SPTB: variants seen among roughly 807,000 people sequenced by gnomAD.
SPTB encodes the protein spectrin beta, erythrocytic, also known as spectrin beta chain, erythrocytic.
In SPTB, 45 loss-of-function variants were observed where a neutral mutation model predicts 256.2. That is an observed-to-expected ratio of 0.18 (90% CI 0.14 to 0.23). The LOEUF (loss-of-function observed/expected upper bound fraction) is 0.23, where lower values mean the gene tolerates loss of function less well. Ranked by LOEUF, SPTB falls within the 10% of genes least tolerant of loss-of-function variation. The probability of loss-of-function intolerance (pLI) is 1.00; values close to 1 mark genes in which losing one functional copy is unlikely to be tolerated. For synonymous variants in SPTB, 1,231 were observed against 1,243.1 expected (o/e 0.99, Z 0.21); for missense variants, 2,715 against 3,040.4 (o/e 0.89, Z 2.52).
intron 6 of SPTB, 83 bp from the exon 7 acceptor site, chr14:64,801,483 T>A: frequency 9.4e-7 from 1 of 1,058,514 alleles, no homozygotes; most frequent in Non-Finnish European, 1.5e-6. Flanking sequence ...GCAGACATTG[T>A]ACAGAGGCAG....
In SPTB at chr14:64,794,625, AG is replaced by A; in HGVS notation, c.1645-9del. 1.2e-6 allele frequency: 2 copies of A among 1,614,184 alleles called. No homozygotes were observed. The highest frequency in any genetic ancestry group is 2.2e-5 in the South Asian group (2 of 91,082). On this transcript the variant is annotated splice_polypyrimidine_tract_variant and intron_variant, in intron 12 of 35. Coordinates refer to ENST00000644917, the MANE Select transcript of SPTB (RefSeq NM_001355436.2). ...GGCAGACAAGAGGTGAGCCTGGCAA[AG>A]AGAACAGCAGAAAGGAAATGAGGAG...
At chr14:64,831,778 G>A (rs1319873417) in intron 1 of SPTB, among the ~76,000 whole-genome samples, 1 of 152,224 alleles carries the variant, frequency 6.6e-6, no homozygotes, top group Non-Finnish European at 1.5e-5. Context: ...AAAATGCAGT[G>A]AATGAACACG....
At position 64,802,171 on chromosome 14, in the gene SPTB, G is replaced by T; in HGVS notation, c.566+55C>A. On this transcript the variant is annotated intron_variant, in intron 5 of 35. Coordinates refer to ENST00000644917, the MANE Select transcript of SPTB (RefSeq NM_001355436.2). The surrounding 1 kb of genome is among the most constrained non-coding windows in gnomAD (Gnocchi z 5.1). ...TGTCCCTCTGGAGATGGCAGTGCTT[G>T]TGCGGAGCAAGGGGCTGGTGGTGGA... The T allele has an allele frequency of 6.5e-7, 1 of 1,531,712 alleles. No homozygotes were observed. The highest frequency in any genetic ancestry group is 9.0e-7 in the Non-Finnish European group (1 of 1,105,556). 94.9% of individuals were successfully genotyped at this position (1,531,712 alleles called of 1,614,324 possible). A position where few individuals can be genotyped will look rare whatever the true frequency, so the allele number is the denominator to read the frequency against.
At chr14:64,861,001 A>G (rs560507109) in intron 1 of SPTB, among the ~76,000 whole-genome samples, 1 of 152,364 alleles carries the variant, frequency 6.6e-6, no homozygotes, top group East Asian at 1.9e-4. Flanking sequence ...CATATACACC[A>G]TGGAATACTA....
At position 64,779,028 on chromosome 14, in the gene SPTB, C is replaced by T; in HGVS notation, c.4563+129G>A. On this transcript the variant is annotated intron_variant, in intron 22 of 35. Coordinates refer to ENST00000644917, the MANE Select transcript of SPTB (RefSeq NM_001355436.2). The surrounding 1 kb of genome is among the most constrained non-coding windows in gnomAD (Gnocchi z 4.2). ...GATTACCAATACGGTTTGGAGACCC[C>T]AAAGCTACCAACAAGAACAATAATC... The T allele has an allele frequency of 1.3e-6, 1 of 747,898 alleles. No individual in the cohort carries two copies. Among genetic ancestry groups the T allele is most frequent in the South Asian group, 1.6e-5 (1 of 63,604 alleles). The allele number at this position is 747,898 out of a possible 1,614,324, so 46.3% of individuals were successfully genotyped here.
rs377469515 is a variant in SPTB at position 64,760,902 on chromosome 14, T to C, written c.6345+5824A>G. 6.6e-6 allele frequency among the ~76,000 whole-genome samples: 1 copy of C among 152,240 alleles called. No homozygotes were observed. Among genetic ancestry groups the C allele is most frequent in the South Asian group, 2.1e-4 (1 of 4,836 alleles). The stretch of plus-strand genomic sequence containing the variant: ...CTGGCACCAAACTCTGTGTTCTTAC[T>C]AATTCTCCTGCAAGAGAGGAGACCT... On this transcript the variant is annotated intron_variant, in intron 32 of 35. Coordinates refer to ENST00000644917, the MANE Select transcript of SPTB (RefSeq NM_001355436.2). The surrounding 1 kb of genome is among the most constrained non-coding windows in gnomAD (Gnocchi z 4.3).
intron 24 of SPTB, among the ~76,000 whole-genome samples, chr14:64,773,741 G>C (rs1243264189): frequency 6.6e-6 from 1 of 152,190 alleles, no homozygotes; most frequent in Non-Finnish European, 1.5e-5. Flanking sequence ...GAGGCTGGGG[G>C]AGCAGCACTA....
Position 64,795,848 on chromosome 14 carries a change from C to T in SPTB, c.1342-209G>A, listed in dbSNP as rs565092873. ...CTCACAAGAGACTCTAAGAGAAGTT[C>T]ATGATTTTACTCCCCGTGCCACCCG... On this transcript the variant is annotated intron_variant, in intron 11 of 35. Transcript: ENST00000644917. This position sits in a 1 kb window ranked among gnomAD's most constrained non-coding sequence, Gnocchi z 6.5. Among the ~76,000 whole-genome samples, 2 of 152,186 alleles carry T rather than the reference C, an allele frequency of 1.3e-5. No homozygotes were observed. The highest frequency in any genetic ancestry group is 2.9e-5 in the Non-Finnish European group (2 of 68,022).
At position 64,801,845 on chromosome 14, in the gene SPTB, G is replaced by A. The variant is rs1216358000; in HGVS notation, c.567-11C>T. On this transcript the variant is annotated splice_polypyrimidine_tract_variant and intron_variant, in intron 5 of 35. Coordinates refer to ENST00000644917, the MANE Select transcript of SPTB (RefSeq NM_001355436.2). ...TTAACATGAGGGTAGCTGCATCCAA[G>A]AGAAACAGTAAGAGCTAAGAATTAG... is the stretch of plus-strand genomic sequence containing the variant. The A allele has an allele frequency of 1.9e-6, 3 of 1,613,282 alleles. No homozygotes were observed. The highest frequency in any genetic ancestry group is 2.2e-5 in the South Asian group (2 of 91,072).
chr14:64,843,543 C>G (rs562803061), intron 1 of SPTB, among the ~76,000 whole-genome samples: 1 of 152,194 alleles, frequency 6.6e-6, no homozygotes, highest in Non-Finnish European at 1.5e-5. Context: ...ACAGCCCCAT[C>G]GCAGCTCCCT....
intron 1 of SPTB, among the ~76,000 whole-genome samples, chr14:64,854,482 G>A (rs2083839893): frequency 6.6e-6 from 1 of 151,464 alleles, no homozygotes; most frequent in Non-Finnish European, 1.5e-5. Flanking sequence ...GTTTCACCGT[G>A]TTAGCCAGGA....
Position 64,784,235 on chromosome 14 carries a change from C to T in SPTB, c.4002+12G>A, listed in dbSNP as rs1019956248. On this transcript the variant is annotated intron_variant, in intron 19 of 35. Transcript: ENST00000644917. ...GCAGAGCACCCACCCGCCGCCCAATCACTTTACTTACCGCATCGATGTTCT... is the reference window on the plus strand; with the variant it reads ...GCAGAGCACCCACCCGCCGCCCAATTACTTTACTTACCGCATCGATGTTCT... The T allele has an allele frequency of 6.2e-7, 1 of 1,614,204 alleles. No individual in the cohort carries two copies. The highest frequency in any genetic ancestry group is 2.2e-5 in the East Asian group (1 of 44,882).
chr14:64,858,542 A>G (rs1050545048), intron 1 of SPTB, among the ~76,000 whole-genome samples: 3 of 152,110 alleles, frequency 2.0e-5, no homozygotes, highest in African/African-American at 7.2e-5. Flanking sequence ...AAGAGAGGAG[A>G]GAGACAGCGG....
chr14:64,753,866 G>A, intron 32 of SPTB, 73 bp from the exon 33 acceptor site: 1 of 1,592,558 alleles, frequency 6.3e-7, no homozygotes, highest in Non-Finnish European at 8.5e-7. Flanking sequence ...CAGCAAAATT[G>A]GGAGGTCAGC....
intron 1 of SPTB, among the ~76,000 whole-genome samples, chr14:64,863,765 C>T (rs1881995380): frequency 6.6e-6 from 1 of 152,190 alleles, no homozygotes; most frequent in Admixed American, 6.5e-5. Flanking sequence ...CCCTAGTGTC[C>T]TAGATTTCAG....
rs2082683134 is a variant in SPTB, at chr14:64,791,995, G to A, written c.2667-139C>T. 4.2e-6 allele frequency: 5 copies of A among 1,194,116 alleles called. No individual in the cohort carries two copies. The Admixed American group carries it at 6.0e-5, about 14-fold the overall frequency. 74.0% of individuals were successfully genotyped at this position (1,194,116 alleles called of 1,614,324 possible). ...TAAACCATTTGCCCAGGTGAGGCAGGAGGAAGAAAACAGATATGCTGGCCC... is the reference window on the plus strand; with the variant it reads ...TAAACCATTTGCCCAGGTGAGGCAGAAGGAAGAAAACAGATATGCTGGCCC... On this transcript the variant is annotated intron_variant, in intron 14 of 35. Transcript: ENST00000644917.
chr14:64,877,357 GACAA>G (rs1882874219), intron 1 of SPTB, among the ~76,000 whole-genome samples: 1 of 152,102 alleles, frequency 6.6e-6, no homozygotes, highest in Non-Finnish European at 1.5e-5. Flanking sequence ...GAAGCTAGAA[GACAA>G]ACAGTCAAAT....
chr14:64,818,672 G>T (rs2083235233), intron 2 of SPTB, among the ~76,000 whole-genome samples: 1 of 152,194 alleles, frequency 6.6e-6, no homozygotes, highest in African/African-American at 2.4e-5. Context: ...CCTGCAGCCT[G>T]CAGTGTTTCA....
In SPTB at chr14:64,809,543, C is replaced by T. The variant is rs34652654; in HGVS notation, c.149-4453G>A. 1.4e-3 allele frequency among the ~76,000 whole-genome samples: 210 copies of T among 152,130 alleles called. 2 individuals carry two copies. The East Asian group carries it at 0.016, about 11-fold the overall frequency. ...TATATTTTTATTAGAGATGGGGTTT[C>T]GCCATATTGGCCAGGCTGGTCTTGA... On this transcript the variant is annotated intron_variant, in intron 2 of 35. Coordinates refer to ENST00000644917, the MANE Select transcript of SPTB (RefSeq NM_001355436.2).
Sources: gnomAD v4.1 joint callset for allele counts (sites outside exome capture counted in the v4.1 genomes callset) on GRCh38, gnomAD v4.1.1 for gene constraint, Gnocchi (gnomAD v3.1) non-coding constraint, MANE v1.5 for transcripts, NCBI Gene and HGNC (gene_info 2026-07-23, HGNC 2026-07-21) for gene names.